LAMA3: variants seen among roughly 807,000 people sequenced by gnomAD.
LAMA3 encodes the protein laminin subunit alpha 3.
In LAMA3, 281 loss-of-function variants were observed where a neutral mutation model predicts 402.0. The ratio of observed to expected loss-of-function variants is 0.70; its 90% CI spans 0.63 to 0.77. The LOEUF (loss-of-function observed/expected upper bound fraction) is 0.77, where lower values mean the gene tolerates loss of function less well. LAMA3 is among the 30% of genes least tolerant of loss of function. The probability of loss-of-function intolerance (pLI) is 0.00; values close to 1 mark genes in which losing one functional copy is unlikely to be tolerated. For missense variants in LAMA3, 3,840 were observed against 4,215.5 expected (o/e 0.91, Z 2.47); for synonymous variants, 1,431 against 1,558.4 (o/e 0.92, Z 1.93).
intron 12 of LAMA3, among the ~76,000 whole-genome samples, chr18:23,785,058 G>C (rs1475136974): frequency 6.6e-6 from 1 of 152,188 alleles, no homozygotes; most frequent in Non-Finnish European, 1.5e-5. Context: ...AGCCCAGACT[G>C]CTATGTCCCA....
intron 12 of LAMA3, among the ~76,000 whole-genome samples, chr18:23,787,668 G>A (rs11872306): frequency 0.79 from 120,247 of 152,102 alleles, 48,349 homozygotes; most frequent in African/African-American, 0.95. Flanking sequence ...CAGTGAGAGC[G>A]TATATTCTAA....
rs1185838728 is a variant in LAMA3, at chr18:23,815,214, G to C, written c.1915G>C (p.Val639Leu). Residue 639 changes from valine to leucine, a missense_variant, in exon 16 of 75, where the codon GTG becomes CTG. Around this residue, in one of 3 missense-constraint regions of LAMA3, gnomAD observed 2,109 missense variants for 2,376.0 expected, o/e 0.89. Transcript: ENST00000313654. Reference sequence around the variant, plus strand: ...ATGCAAGTGCCATAAGGCGGGAACAGTGAGTGGAACTGGAGAGTGTAGGCA... The same window carrying C: ...ATGCAAGTGCCATAAGGCGGGAACACTGAGTGGAACTGGAGAGTGTAGGCA... ...SECKCHKAGT[V>L]SGTGECRQGD... 4 of 1,614,110 alleles carry C rather than the reference G, an allele frequency of 2.5e-6. No individual in the cohort carries two copies. In the Admixed American group the frequency reaches 6.7e-5, roughly 27 times the overall value.
chr18:23,797,961 T>C (rs2062798132), intron 12 of LAMA3, among the ~76,000 whole-genome samples: 1 of 152,210 alleles, frequency 6.6e-6, no homozygotes, highest in African/African-American at 2.4e-5. Flanking sequence ...TATATGTATA[T>C]AAAATATATA....
In LAMA3 at chr18:23,768,176, A is replaced by C. The variant is rs556443619; in HGVS notation, c.1182+4653A>C. The stretch of plus-strand genomic sequence containing the variant: ...GAGCTTCTATACTACAAAAAAAAAA[A>C]AAACTATCAGCAGAGTAAACAGACA... On this transcript the variant is annotated intron_variant, in intron 8 of 74. Coordinates refer to ENST00000313654, the MANE Select transcript of LAMA3 (RefSeq NM_198129.4). 3.5e-3 allele frequency among the ~76,000 whole-genome samples: 535 copies of C among 152,226 alleles called. 6 individuals carry two copies. Among genetic ancestry groups the C allele is most frequent in the Admixed American group, 5.3e-3 (81 of 15,298 alleles).
At chr18:23,876,146 G>C in intron 38 of LAMA3, 148 bp from the exon 39 acceptor site, 1 of 660,956 alleles carries the variant, frequency 1.5e-6, no homozygotes, top group East Asian at 2.8e-5. Flanking sequence ...CCTGTGAATA[G>C]TCACTACACT....
chr18:23,950,651 A>T (rs2082877386), intron 72 of LAMA3, among the ~76,000 whole-genome samples: 1 of 152,220 alleles, frequency 6.6e-6, no homozygotes, highest in African/African-American at 2.4e-5. Context: ...AGATTCTTCT[A>T]GGAAGACCCT....
chr18:23,741,322 A>T (rs2061560004), intron 2 of LAMA3, among the ~76,000 whole-genome samples: 1 of 152,064 alleles, frequency 6.6e-6, no homozygotes, highest in Non-Finnish European at 1.5e-5. Flanking sequence ...CTATTGGCAG[A>T]TGGACTCTTT....
intron 27 of LAMA3, among the ~76,000 whole-genome samples, chr18:23,840,835 T>C (rs1478992990): frequency 1.3e-5 from 2 of 152,194 alleles, no homozygotes; most frequent in Non-Finnish European, 2.9e-5. Flanking sequence ...TGATCAGAAA[T>C]GTTTTGAATT....
chr18:23,838,423 T>C (rs1157722899), intron 25 of LAMA3, among the ~76,000 whole-genome samples: 1 of 151,778 alleles, frequency 6.6e-6, no homozygotes, highest in Non-Finnish European at 1.5e-5. Context: ...CCTATCTTCC[T>C]CCCAACGGGC....
rs573939439 is a variant in LAMA3, at chr18:23,933,745, A to G, written c.8709-37A>G. On this transcript the variant is annotated intron_variant, in intron 66 of 74. Transcript: ENST00000313654. ...CAGAGGGTCTTCCTCGACATGTCCA[A>G]GTTTGGCAGCATCTTTCATTTCTGC... The G allele has an allele frequency of 3.0e-5, 48 of 1,612,246 alleles. No homozygotes were observed. In the East Asian group the frequency reaches 1.0e-3, roughly 34 times the overall value.
At chr18:23,881,519 C>T (rs750745860) in intron 39 of LAMA3, among the ~76,000 whole-genome samples, 5 of 152,138 alleles carry the variant, frequency 3.3e-5, no homozygotes, top group Non-Finnish European at 5.9e-5. Context: ...TTTTTAAATC[C>T]TCCCAACAGG....
chr18:23,901,437 C>T, intron 48 of LAMA3, 114 bp downstream of exon 48: 1 of 821,016 alleles, frequency 1.2e-6, no homozygotes, highest in Non-Finnish European at 2.1e-6. Context: ...CTCATTATAC[C>T]ACCTCAGACC....
chr18:23,830,770 C>G (rs541166484), intron 23 of LAMA3, among the ~76,000 whole-genome samples: 2 of 152,258 alleles, frequency 1.3e-5, no homozygotes, highest in East Asian at 3.9e-4. Flanking sequence ...ACTCTATGTT[C>G]TGTCTCGAGG....
At chr18:23,816,582 GC>G in intron 18 of LAMA3, 95 bp downstream of exon 18, 2 of 1,029,990 alleles carry the variant, frequency 1.9e-6, no homozygotes, top group Non-Finnish European at 3.0e-6. Flanking sequence ...GAGAGAAGCA[GC>G]CCTAAAGATC....
In LAMA3 at chr18:23,943,786, A is replaced by G. The variant is rs2082610932; in HGVS notation, c.9027-2A>G. ...TCCCTTCATCGCCGATGTTCCCAAC[A>G]GGTCACAGTTTGCTGTGGACATGCA... On this transcript the variant is annotated splice_acceptor_variant, in intron 68 of 74. Coordinates refer to ENST00000313654, the MANE Select transcript of LAMA3 (RefSeq NM_198129.4). LOFTEE classifies it high-confidence loss of function. 1.2e-6 allele frequency: 2 copies of G among 1,613,942 alleles called. No homozygotes were observed. The highest frequency in any genetic ancestry group is 1.7e-6 in the Non-Finnish European group (2 of 1,179,810).
intron 6 of LAMA3, among the ~76,000 whole-genome samples, chr18:23,756,491 C>G (rs546179258): frequency 7.4e-6 from 1 of 134,948 alleles, no homozygotes; most frequent in African/African-American, 2.8e-5. Context: ...AACCCCACAA[C>G]CCAAACCCAA....
At chr18:23,827,785 A>G (rs1272937851) in intron 23 of LAMA3, among the ~76,000 whole-genome samples, 1 of 152,176 alleles carries the variant, frequency 6.6e-6, no homozygotes, top group African/African-American at 2.4e-5. Flanking sequence ...GATTTCTCTT[A>G]AAAGACAGAT....
intron 59 of LAMA3, 41 bp from the exon 60 acceptor site, chr18:23,916,510 T>C (rs2081626164): frequency 6.2e-7 from 1 of 1,610,194 alleles, no homozygotes; most frequent in Admixed American, 1.7e-5. Context: ...ATGGTGATCA[T>C]TTGCTGCTGT....
At position 23,951,677 on chromosome 18, in the gene LAMA3, G is replaced by A. The variant is rs2082915632; in HGVS notation, c.9643-7G>A. ...GAAGGAAATAGGAAAATGCATGTGT[G>A]TTCCAGGTCACGGCCTCTATGGACA... is the stretch of plus-strand genomic sequence containing the variant. On this transcript the variant is annotated splice_polypyrimidine_tract_variant and splice_region_variant and intron_variant, in intron 72 of 74. Transcript: ENST00000313654. The A allele has an allele frequency of 6.2e-7, 1 of 1,612,196 alleles. No individual in the cohort carries two copies. The highest frequency in any genetic ancestry group is 8.5e-7 in the Non-Finnish European group (1 of 1,178,506).
Sources: allele counts gnomAD v4.1 joint callset (sites outside exome capture counted in the v4.1 genomes callset), GRCh38; gene constraint gnomAD v4.1.1; regional missense constraint gnomAD v4.1.1; transcripts MANE v1.5; gene names NCBI Gene and HGNC (gene_info 2026-07-23, HGNC 2026-07-21).